The following SNX29 variants were observed in gnomAD, a reference collection of about 807,000 sequenced individuals.
The protein encoded by SNX29 is sorting nexin-29.
Under a neutral mutation model 102.1 loss-of-function variants are expected in SNX29, and 78 were observed. The observed-to-expected ratio is 0.76, with a 90% CI of 0.64 to 0.92. The LOEUF is 0.92. Ranked by LOEUF, SNX29 falls within the 40% of genes least tolerant of loss-of-function variation. The pLI is 0.00. For synonymous variants in SNX29, 580 were observed against 414.5 expected (o/e 1.40, Z -4.85); for missense variants, 1,280 against 1,061.7 (o/e 1.21, Z -2.86).
At chr16:12,557,299 C>A (rs115217553) in intron 20 of SNX29, 1 of 152,262 alleles carries the variant, frequency 6.6e-6, no homozygotes, top group Admixed American at 6.5e-5. Flanking sequence ...GGACCCTGTA[C>A]AATTTAGTGG....
intron 20 of SNX29, among the ~76,000 whole-genome samples, chr16:12,562,552 A>G (rs1294020881): frequency 6.6e-6 from 1 of 152,180 alleles, no homozygotes. Context: ...GTCATCTAAG[A>G]CACTGTCCCC....
At chr16:12,421,556 G>A (rs968351690) in intron 18 of SNX29, among the ~76,000 whole-genome samples, 8 of 152,196 alleles carry the variant, frequency 5.3e-5, no homozygotes, top group Non-Finnish European at 1.0e-4. Context: ...AACTGCAGCC[G>A]TAACTAGAAT....
intron 13 of SNX29, among the ~76,000 whole-genome samples, chr16:12,178,445 G>T (rs888790147): frequency 6.6e-6 from 1 of 152,140 alleles, no homozygotes; most frequent in Admixed American, 6.6e-5. Context: ...AGTCAGGACG[G>T]CACCCAGCTG....
intron 19 of SNX29, among the ~76,000 whole-genome samples, chr16:12,521,386 C>T (rs912232363): frequency 6.6e-6 from 1 of 151,800 alleles, no homozygotes; most frequent in Admixed American, 6.6e-5. Flanking sequence ...GGGATTTCTC[C>T]AGGGGCCTCT....
intron 20 of SNX29, chr16:12,557,651 T>TA (rs1245569860): frequency 7.9e-5 from 12 of 152,222 alleles, no homozygotes; most frequent in Admixed American, 7.9e-4. Context: ...TGTGAGCCAC[T>TA]ACACCCAGCC....
intron 18 of SNX29, among the ~76,000 whole-genome samples, chr16:12,433,715 T>A (rs12924190): frequency 9.9e-5 from 15 of 150,902 alleles, no homozygotes; most frequent in Admixed American, 8.6e-4. Context: ...TCCCAGGTAC[T>A]TCGGAGGCTG....
At chr16:12,109,076 C>T (rs765479522) in intron 11 of SNX29, among the ~76,000 whole-genome samples, 3 of 133,766 alleles carry the variant, frequency 2.2e-5, no homozygotes, top group East Asian at 2.3e-4. Flanking sequence ...TGCAGTGATC[C>T]CAGATCATGC....
intron 14 of SNX29, among the ~76,000 whole-genome samples, chr16:12,211,975 C>G (rs1052130485): frequency 6.6e-6 from 1 of 152,150 alleles, no homozygotes; most frequent in Non-Finnish European, 1.5e-5. Flanking sequence ...CAGTCATCCA[C>G]CTAGAAAGTA....
In SNX29 at chr16:12,571,691, A is replaced by C. The variant is rs2079191138; in HGVS notation, c.*3062A>C. ...CTGGGCAGAGGTGTCTCTCCTTGAG[A>C]GACAACAAAAGCTTCTAAGGGAGGG... On this transcript the variant is annotated 3_prime_UTR_variant, in exon 21 of 21. Transcript: ENST00000566228. The C allele has an allele frequency of 9.4e-7, 1 of 1,060,270 alleles. No homozygotes were observed. Among genetic ancestry groups the C allele is most frequent in the East Asian group, 5.1e-5 (1 of 19,540 alleles). 65.7% of individuals were successfully genotyped at this position (1,060,270 alleles called of 1,614,324 possible).
chr16:12,031,158 T>C (rs1480680845), intron 4 of SNX29, among the ~76,000 whole-genome samples: 1 of 152,050 alleles, frequency 6.6e-6, no homozygotes, highest in East Asian at 1.9e-4. Context: ...CTGCAGCCTC[T>C]GCCTTCTGGG....
chr16:12,555,637 C>T (rs1399076012), intron 20 of SNX29, among the ~76,000 whole-genome samples: 1 of 152,000 alleles, frequency 6.6e-6, no homozygotes, highest in Non-Finnish European at 1.5e-5. Flanking sequence ...CCTGAGTAAC[C>T]CCACTGATGC....
Position 12,472,290 on chromosome 16 carries a change from G to A in SNX29, c.2038-5429G>A, listed in dbSNP as rs749213964. ...AATCCCAGCACTTTGGGAGGCCGAG[G>A]TGGGTAGATCACCTGAGGCCAGGAG... is the stretch of plus-strand genomic sequence containing the variant. On this transcript the variant is annotated intron_variant, in intron 18 of 20. Transcript: ENST00000566228. Among the ~76,000 whole-genome samples the A allele has an allele frequency of 6.8e-4, 104 of 152,152 alleles. 1 individual carries two copies. Among genetic ancestry groups the A allele is most frequent in the Non-Finnish European group, 1.5e-3 (100 of 68,036 alleles).
intron 19 of SNX29, among the ~76,000 whole-genome samples, chr16:12,495,831 A>G (rs1485965619): frequency 6.6e-6 from 1 of 152,152 alleles, no homozygotes; most frequent in Non-Finnish European, 1.5e-5. Context: ...AGGCAGGTGG[A>G]TCACTTGAGG....
chr16:12,269,040 G>T (rs945519304), intron 14 of SNX29, among the ~76,000 whole-genome samples: 2 of 152,162 alleles, frequency 1.3e-5, no homozygotes, highest in Admixed American at 6.5e-5. Flanking sequence ...AGCTTTTCTG[G>T]AACATGAAAA....
chr16:12,055,018 A>T (rs1323860411), intron 8 of SNX29, among the ~76,000 whole-genome samples: 2 of 152,108 alleles, frequency 1.3e-5, no homozygotes. Context: ...CTCATAGGGT[A>T]TGAATGTTTT....
intron 8 of SNX29, chr16:12,060,702 C>CA: frequency 2.2e-6 from 1 of 450,520 alleles, no homozygotes; most frequent in Non-Finnish European, 4.5e-6. Flanking sequence ...GGCTATACTG[C>CA]AAAAATACCT....
intron 20 of SNX29, among the ~76,000 whole-genome samples, chr16:12,562,131 A>G (rs746981889): frequency 1.3e-5 from 2 of 152,094 alleles, no homozygotes; most frequent in Non-Finnish European, 2.9e-5. Flanking sequence ...GTGACCCCAA[A>G]ATGGCTCTGG....
At chr16:12,404,095 G>A (rs754616331) in intron 18 of SNX29, among the ~76,000 whole-genome samples, 1 of 152,182 alleles carries the variant, frequency 6.6e-6, no homozygotes, top group African/African-American at 2.4e-5. Context: ...TGTCGCCAGG[G>A]TGGGTGTTTA....
At chr16:12,400,742 G>A (rs1567525051) in intron 17 of SNX29, among the ~76,000 whole-genome samples, 2 of 152,192 alleles carry the variant, frequency 1.3e-5, no homozygotes, top group African/African-American at 4.8e-5. Flanking sequence ...TTCAGAACAT[G>A]TGATGTAAAA....
Sources: allele counts gnomAD v4.1 joint callset (sites outside exome capture counted in the v4.1 genomes callset), GRCh38; gene constraint gnomAD v4.1.1; transcripts MANE v1.5; gene names NCBI Gene and HGNC (gene_info 2026-07-23, HGNC 2026-07-21).